The following DPP10 variants were observed in gnomAD, a reference collection of about 807,000 sequenced individuals.
The protein encoded by DPP10 is dipeptidyl peptidase like 10.
DPP10 carries 33 observed loss-of-function variants against 120.9 expected under a neutral mutation model. That is an observed-to-expected ratio of 0.27 (90% CI 0.21 to 0.37). The LOEUF is 0.37. Ranked by LOEUF, DPP10 falls within the 10% of genes least tolerant of loss-of-function variation. DPP10 has a pLI of 1.00. For synonymous variants in DPP10, 337 were observed against 326.1 expected, an observed-to-expected ratio of 1.03 and a Z score of -0.36; for missense variants, 816 against 942.8, an observed-to-expected ratio of 0.87 and a Z score of 1.76.
At chr2:115,743,835 A>T (rs1477823197) in intron 9 of DPP10, among the ~76,000 whole-genome samples, 2 of 150,634 alleles carry the variant, frequency 1.3e-5, no homozygotes, top group Non-Finnish European at 2.9e-5. Context: ...ATTTGGACTC[A>T]GGTTTCATGG....
intron 1 of DPP10, among the ~76,000 whole-genome samples, chr2:114,982,830 C>A (rs557316375): frequency 7.2e-5 from 11 of 151,844 alleles, no homozygotes; most frequent in Non-Finnish European, 1.3e-4. Context: ...TGGTCTTGAA[C>A]TCCTGGGCTC....
intron 10 of DPP10, among the ~76,000 whole-genome samples, chr2:115,747,594 C>T (rs369078989): frequency 1.4e-5 from 2 of 141,224 alleles, no homozygotes; most frequent in Non-Finnish European, 3.0e-5. Flanking sequence ...ATCCCCTTGT[C>T]TTTTTTTTTT....
rs567944156 is a variant in DPP10 at position 115,411,505 on chromosome 2, G to A, written c.271+67593G>A. Reference sequence around the variant, plus strand: ...AAAGTCTTAGTAAAGTATTGAAAGGGGGAGGGAAAATTGGGGTATTTATGA... The same window carrying A: ...AAAGTCTTAGTAAAGTATTGAAAGGAGGAGGGAAAATTGGGGTATTTATGA... On this transcript the variant is annotated intron_variant, in intron 3 of 25. Transcript: ENST00000410059. Among the ~76,000 whole-genome samples, 5 of 152,140 alleles carry A rather than the reference G, an allele frequency of 3.3e-5. No individual in the cohort carries two copies. In the South Asian group the frequency reaches 8.3e-4, roughly 25 times the overall value.
chr2:115,201,614 T>C (rs2055729211), intron 1 of DPP10, among the ~76,000 whole-genome samples: 1 of 151,834 alleles, frequency 6.6e-6, no homozygotes, highest in Admixed American at 6.6e-5. Flanking sequence ...AGGAAATGAG[T>C]CCAACAAGAG....
At chr2:115,296,567 G>A (rs1327188500) in intron 1 of DPP10, among the ~76,000 whole-genome samples, 1 of 151,912 alleles carries the variant, frequency 6.6e-6, no homozygotes, top group Non-Finnish European at 1.5e-5. Flanking sequence ...TTTCTGACCT[G>A]GATCTTATTT....
intron 1 of DPP10, among the ~76,000 whole-genome samples, chr2:115,282,494 AT>A (rs148645357): frequency 0.025 from 3,817 of 152,174 alleles, 159 homozygotes; most frequent in African/African-American, 0.087. Flanking sequence ...TCCAGTAGAG[AT>A]ATACTTCTTA....
chr2:115,053,985 G>A (rs1032105943), intron 1 of DPP10, among the ~76,000 whole-genome samples: 1 of 152,134 alleles, frequency 6.6e-6, no homozygotes, highest in African/African-American at 2.4e-5. Context: ...GGGAAGGAAG[G>A]TAACATATTA....
chr2:115,241,200 C>T (rs769867888), intron 1 of DPP10, among the ~76,000 whole-genome samples: 36 of 152,198 alleles, frequency 2.4e-4, no homozygotes, highest in East Asian at 1.2e-3. Flanking sequence ...ACCCGGGAGG[C>T]GGAGGTTCCA....
intron 3 of DPP10, among the ~76,000 whole-genome samples, chr2:115,375,816 C>T (rs569840150): frequency 6.6e-6 from 1 of 152,196 alleles, no homozygotes; most frequent in Admixed American, 6.5e-5. Flanking sequence ...AGTTTTAAAC[C>T]ATCAGAACTC....
chr2:115,508,182 TAAC>T (rs1251888160), intron 4 of DPP10, among the ~76,000 whole-genome samples: 4 of 152,120 alleles, frequency 2.6e-5, no homozygotes, highest in Admixed American at 2.6e-4. Context: ...GAAATAAAAT[TAAC>T]AAATTTATAA....
At chr2:115,298,420 A>C (rs1049893416) in intron 1 of DPP10, among the ~76,000 whole-genome samples, 3 of 152,022 alleles carry the variant, frequency 2.0e-5, no homozygotes, top group Non-Finnish European at 2.9e-5. Flanking sequence ...CTCTGAGTGT[A>C]AGATTGTTCA....
At chr2:114,601,415 A>C (rs1174278705) in intron 1 of DPP10, among the ~76,000 whole-genome samples, 1 of 151,866 alleles carries the variant, frequency 6.6e-6, no homozygotes, top group Non-Finnish European at 1.5e-5. Flanking sequence ...GAGAATGGAG[A>C]TAGAGTTATA....
At chr2:115,161,842 C>A in intron 1 of DPP10, 2 of 1,004,136 alleles carry the variant, frequency 2.0e-6, no homozygotes, top group Non-Finnish European at 2.6e-6. Flanking sequence ...CCCACCCCGT[C>A]CCTTCCGCCG....
chr2:114,727,380 T>A (rs999025311), intron 1 of DPP10, among the ~76,000 whole-genome samples: 2 of 152,192 alleles, frequency 1.3e-5, no homozygotes, highest in Admixed American at 6.5e-5. Flanking sequence ...ACATTCTGAG[T>A]ATCACTTTCA....
At chr2:115,689,980 TA>T in intron 7 of DPP10, 59 bp downstream of exon 7, 1 of 1,518,196 alleles carries the variant, frequency 6.6e-7, no homozygotes, top group Non-Finnish European at 9.0e-7. Flanking sequence ...TGGAAGATGT[TA>T]ACTGAAACTT....
intron 1 of DPP10, among the ~76,000 whole-genome samples, chr2:114,741,971 G>T (rs1480195776): frequency 6.6e-6 from 1 of 152,014 alleles, no homozygotes; most frequent in Non-Finnish European, 1.5e-5. Flanking sequence ...TTCCAGCAGG[G>T]GATTTACCTA....
intron 1 of DPP10, among the ~76,000 whole-genome samples, chr2:114,764,284 CTTTT>C (rs201499611): frequency 7.9e-6 from 1 of 126,060 alleles, no homozygotes; most frequent in Non-Finnish European, 1.7e-5. Flanking sequence ...CTTAAATTGC[CTTTT>C]TTTTTTTTTT....
Position 115,828,987 on chromosome 2 carries a change from C to T in DPP10, c.1951-7170C>T, listed in dbSNP as rs1187347779. Among the ~76,000 whole-genome samples, 4 of 152,120 alleles carry T rather than the reference C, an allele frequency of 2.6e-5. No individual in the cohort carries two copies. In the East Asian group the frequency reaches 7.7e-4, roughly 29 times the overall value. On this transcript the variant is annotated intron_variant, in intron 21 of 25. Transcript: ENST00000410059. ...TTAAAGATAGCAGTCTCTGTTCACA[C>T]TTGTTTGAAATATTTCCTCAGCTGC...
intron 4 of DPP10, among the ~76,000 whole-genome samples, chr2:115,516,560 C>T (rs2077512670): frequency 7.8e-6 from 1 of 128,266 alleles, no homozygotes; most frequent in Admixed American, 9.4e-5. Flanking sequence ...AAAACCTGAG[C>T]CTTGTTATTC....
Sources: allele counts gnomAD v4.1 joint callset (sites outside exome capture counted in the v4.1 genomes callset), GRCh38; gene constraint gnomAD v4.1.1; transcripts MANE v1.5; gene names NCBI Gene and HGNC (gene_info 2026-07-23, HGNC 2026-07-21).